The following TACC1 variants were observed in gnomAD, a reference collection of about 807,000 sequenced individuals.
The protein encoded by TACC1 is transforming acidic coiled-coil containing protein 1.
A neutral mutation model predicts 84.4 loss-of-function variants in TACC1; 48 were observed. The observed-to-expected ratio is 0.57, with a 90% CI of 0.45 to 0.72. The LOEUF is 0.72. Among genes scored for constraint, TACC1 ranks in the 30% least tolerant of loss-of-function variants. The pLI is 0.00. For synonymous variants in TACC1, 372 were observed against 376.3 expected (o/e 0.99, Z 0.13); for missense variants, 920 against 973.0 (o/e 0.95, Z 0.72).
intron 8 of TACC1, chr8:38,839,382 A>G (rs1009109667): frequency 1.5e-5 from 6 of 394,182 alleles, no homozygotes; most frequent in African/African-American, 6.2e-5. Context: ...TAGAGAAGAA[A>G]AAAAGGCATA....
intron 1 of TACC1, among the ~76,000 whole-genome samples, chr8:38,740,568 T>C (rs889423354): frequency 6.6e-6 from 1 of 152,192 alleles, no homozygotes. Flanking sequence ...CATAAAAAGT[T>C]TGTGATGATG....
At chr8:38,835,224 A>G (rs898669452) in intron 6 of TACC1, among the ~76,000 whole-genome samples, 1 of 151,660 alleles carries the variant, frequency 6.6e-6, no homozygotes, top group African/African-American at 2.4e-5. Flanking sequence ...ACTGCACTCT[A>G]GCCTGGGCCA....
intron 3 of TACC1, among the ~76,000 whole-genome samples, chr8:38,773,380 AAATT>A (rs1425111820): frequency 4.0e-5 from 6 of 148,878 alleles, no homozygotes; most frequent in Admixed American, 1.3e-4. Context: ...CATATCAAAT[AAATT>A]AAAATATTAA....
chr8:38,758,181 CTTTAT>C (rs954744142), intron 3 of TACC1, among the ~76,000 whole-genome samples: 11 of 152,144 alleles, frequency 7.2e-5, no homozygotes, highest in African/African-American at 2.7e-4. Context: ...AATCCATACT[CTTTAT>C]TTTAATTCAG....
intron 11 of TACC1, among the ~76,000 whole-genome samples, chr8:38,845,255 A>G (rs929516888): frequency 6.6e-6 from 1 of 152,184 alleles, no homozygotes; most frequent in African/African-American, 2.4e-5. Context: ...AAAAGGTAAT[A>G]CATGCTTGTA....
chr8:38,777,144 C>A (rs1786984882), intron 3 of TACC1, among the ~76,000 whole-genome samples: 2 of 151,780 alleles, frequency 1.3e-5, no homozygotes, highest in Admixed American at 6.6e-5. Flanking sequence ...TAATCCCAGC[C>A]ACTCTGGAGG....
intron 3 of TACC1, among the ~76,000 whole-genome samples, chr8:38,768,202 G>C (rs1318040668): frequency 6.6e-6 from 1 of 152,154 alleles, no homozygotes; most frequent in Admixed American, 6.5e-5. Flanking sequence ...TCCTTCTGCT[G>C]GTCGGGATCC....
At chr8:38,795,362 T>A (rs753234818) in intron 2 of TACC1, among the ~76,000 whole-genome samples, 26 of 152,218 alleles carry the variant, frequency 1.7e-4, no homozygotes, top group Non-Finnish European at 2.1e-4. Context: ...AATCAAGACC[T>A]TGCACTCCCC....
At chr8:38,836,837 T>C (rs1177728086) in intron 7 of TACC1, among the ~76,000 whole-genome samples, 1 of 152,232 alleles carries the variant, frequency 6.6e-6, no homozygotes, top group Non-Finnish European at 1.5e-5. Flanking sequence ...TCTCCTGTCA[T>C]ATATCTATGC....
chr8:38,785,671 C>T (rs1404079094), upstream of TACC1: 6 of 985,128 alleles, frequency 6.1e-6, no homozygotes, highest in Non-Finnish European at 7.2e-6. Context: ...AATATTATTT[C>T]CCAGAAACAG....
chr8:38,730,371 T>C (rs566076349), intron 1 of TACC1, among the ~76,000 whole-genome samples: 2 of 152,356 alleles, frequency 1.3e-5, no homozygotes, highest in South Asian at 2.1e-4. Context: ...TCTCTCCAAG[T>C]CTTTTCTGAA....
chr8:38,778,529 T>G (rs996382252), intron 3 of TACC1, among the ~76,000 whole-genome samples: 1 of 152,190 alleles, frequency 6.6e-6, no homozygotes, highest in African/African-American at 2.4e-5. Context: ...TCTCTTTTGT[T>G]CTCTGGGCAG....
chr8:38,842,058 ACT>A (rs1038940966), intron 9 of TACC1, among the ~76,000 whole-genome samples: 5 of 151,698 alleles, frequency 3.3e-5, no homozygotes, highest in African/African-American at 1.2e-4. Context: ...GAGAGCAGGT[ACT>A]CTCTGTACAG....
At chr8:38,812,036 A>T (rs1338974685) in intron 2 of TACC1, among the ~76,000 whole-genome samples, 1 of 152,118 alleles carries the variant, frequency 6.6e-6, no homozygotes, top group African/African-American at 2.4e-5. Context: ...AAGGACTGAA[A>T]TACGCTGTGG....
intron 5 of TACC1, among the ~76,000 whole-genome samples, chr8:38,830,096 G>A (rs1433272410): frequency 6.6e-6 from 1 of 152,174 alleles, no homozygotes; most frequent in Non-Finnish European, 1.5e-5. Flanking sequence ...GTAGGGAGGG[G>A]GAGGTTGAAG....
At chr8:38,776,559 C>T (rs1160966351) in intron 3 of TACC1, among the ~76,000 whole-genome samples, 1 of 152,146 alleles carries the variant, frequency 6.6e-6, no homozygotes, top group African/African-American at 2.4e-5. Flanking sequence ...TCATATACAC[C>T]TTCTACACAT....
chr8:38,798,606 C>T (rs371327708), intron 2 of TACC1, among the ~76,000 whole-genome samples: 21 of 143,512 alleles, frequency 1.5e-4, no homozygotes, highest in South Asian at 1.4e-3. Flanking sequence ...CTGGGTTCTG[C>T]GTGTGTGTGT....
chr8:38,806,673 G>A (rs1430764653), intron 2 of TACC1, among the ~76,000 whole-genome samples: 1 of 152,048 alleles, frequency 6.6e-6, no homozygotes, highest in Non-Finnish European at 1.5e-5. Context: ...AGGATTCTAG[G>A]CCTGTTTCTT....
At chr8:38,738,098 A>ATT (rs1806333436) in intron 1 of TACC1, among the ~76,000 whole-genome samples, 3 of 152,052 alleles carry the variant, frequency 2.0e-5, no homozygotes, top group Non-Finnish European at 2.9e-5. Flanking sequence ...ACAGAGCACA[A>ATT]TTTTTGTGAA....
Sources: allele counts gnomAD v4.1 joint callset (sites outside exome capture counted in the v4.1 genomes callset), GRCh38; gene constraint gnomAD v4.1.1; transcripts MANE v1.5; gene names NCBI Gene and HGNC (gene_info 2026-07-23, HGNC 2026-07-21).